Variants in KLHL25 observed in about 807,000 individuals in gnomAD.
The protein encoded by KLHL25 is kelch like family member 25.
KLHL25 carries 41 observed loss-of-function variants against 30.0 expected under a neutral mutation model. That is an observed-to-expected ratio of 1.37 (90% CI 1.07 to 1.78). The LOEUF (loss-of-function observed/expected upper bound fraction) is 1.78. KLHL25 is among the 40% of genes most tolerant of loss of function. The pLI is 0.00. For missense variants in KLHL25, 971 were observed against 824.5 expected (o/e 1.18, Z -2.18); for synonymous variants, 399 against 355.3 (o/e 1.12, Z -1.38).
chr15:85,779,126 C>T (rs1438246455), intron 1 of KLHL25, among the ~76,000 whole-genome samples: 2 of 151,306 alleles, frequency 1.3e-5, no homozygotes, highest in Non-Finnish European at 2.9e-5. Context: ...AGGAACTGTT[C>T]AGGCCACACA....
At position 85,769,014 on chromosome 15, in the gene KLHL25, A is replaced by G. The variant is rs751055058; in HGVS notation, c.797T>C (p.Met266Thr). 2.0e-5 allele frequency: 33 copies of G among 1,611,012 alleles called. No homozygotes were observed. The highest frequency in any genetic ancestry group is 2.5e-5 in the Non-Finnish European group (30 of 1,179,262). Residue 266 changes from methionine (M) to threonine (T), a missense_variant, in exon 2 of 3, where the codon ATG (methionine) becomes ACG (threonine). Transcript: ENST00000337975. Reference sequence around the variant, plus strand: ...GGTCTTGCAGCGCAGGGCCTCATCCATGATAAGCTTGGTGCGCTCGTCTGC... The same window carrying G: ...GGTCTTGCAGCGCAGGGCCTCATCCGTGATAAGCTTGGTGCGCTCGTCTGC... ...LMADERTKLI[M>T]DEALRCKTRI...
At position 85,789,993 on chromosome 15, in the gene KLHL25, T is replaced by A. The variant is rs1017045513; in HGVS notation, c.-11+4773A>T. On this transcript the variant is annotated intron_variant, in intron 1 of 2. Transcript: ENST00000337975. This position sits in a 1 kb window ranked among gnomAD's most constrained non-coding sequence, Gnocchi z 4.1. ...CTTGCCTACGTCACCCCTCTCACTC[T>A]ACAGGTGAAAAAACTAGATCCCAGA... 6.6e-6 allele frequency among the ~76,000 whole-genome samples: 1 copy of A among 152,190 alleles called. No homozygotes were observed. The highest frequency in any genetic ancestry group is 1.5e-5 in the Non-Finnish European group (1 of 68,032).
At position 85,769,774 on chromosome 15, in the gene KLHL25, T is replaced by C; in HGVS notation, c.37A>G (p.Ser13Gly). The change falls in exon 2 of 3, where the codon AGC becomes GGC. Residue 13 changes from serine (S) to glycine (G), a missense_variant. Ser to Gly is a moderately conservative substitution (Grantham distance 56, BLOSUM62 0). Coordinates refer to ENST00000337975, the MANE Select transcript of KLHL25 (RefSeq NM_022480.4). ...VSVHETRKSR[S>G]STGSMNVTLF... ...GTGACGTTCATGGACCCCGTGCTGCTCCGCGACTTGCGGGTCTCATGGACA... is the reference window on the plus strand; with the variant it reads ...GTGACGTTCATGGACCCCGTGCTGCCCCGCGACTTGCGGGTCTCATGGACA... The C allele has an allele frequency of 2.5e-6, 4 of 1,612,292 alleles. No homozygotes were observed. The highest frequency in any genetic ancestry group is 3.4e-6 in the Non-Finnish European group (4 of 1,179,694).
chr15:85,767,388 C>T (rs928713116), intron 2 of KLHL25, among the ~76,000 whole-genome samples: 4 of 151,968 alleles, frequency 2.6e-5, no homozygotes, highest in Admixed American at 6.5e-5. Flanking sequence ...GCATGAGCCA[C>T]CATGCCCGGG....
Position 85,769,684 on chromosome 15 carries a change from A to G in KLHL25, c.127T>C (p.Cys43Arg), listed in dbSNP as rs757323461. The stretch of plus-strand genomic sequence containing the variant: ...CAGAGTGTGACGTCGGTGAACATGC[A>G]GTGCTTGCGAAGCGTGTTGAGGTGG... ...LAHLNTLRKH[C>R]MFTDVTLWAG... The change falls in exon 2 of 3, where the codon TGC becomes CGC. Residue 43 changes from cysteine (C) to arginine (R), a missense_variant. Coordinates refer to ENST00000337975, the MANE Select transcript of KLHL25 (RefSeq NM_022480.4). 3.7e-6 allele frequency: 6 copies of G among 1,613,782 alleles called. No individual in the cohort carries two copies. The African/African-American group carries it at 8.0e-5, about 22-fold the overall frequency.
At chr15:85,773,268 G>C (rs2151808846) in intron 1 of KLHL25, among the ~76,000 whole-genome samples, 1 of 152,260 alleles carries the variant, frequency 6.6e-6, no homozygotes, top group Non-Finnish European at 1.5e-5. Flanking sequence ...CTATGCCCAT[G>C]ATGAAGCCCT....
chr15:85,771,544 A>G (rs2089674647), intron 1 of KLHL25, among the ~76,000 whole-genome samples: 1 of 152,194 alleles, frequency 6.6e-6, no homozygotes, highest in Non-Finnish European at 1.5e-5. Context: ...AACTGACGAG[A>G]TTAGAGCTAG....
intron 1 of KLHL25, among the ~76,000 whole-genome samples, chr15:85,788,570 T>C (rs912514382): frequency 2.0e-5 from 3 of 152,024 alleles, no homozygotes; most frequent in Non-Finnish European, 4.4e-5. Flanking sequence ...ACAGTCCACT[T>C]CCTCACCTCA....
At chr15:85,775,207 C>T (rs1466803560) in intron 1 of KLHL25, among the ~76,000 whole-genome samples, 1 of 152,162 alleles carries the variant, frequency 6.6e-6, no homozygotes, top group Non-Finnish European at 1.5e-5. Flanking sequence ...GCCAGTGTAC[C>T]TGCAGTGTAC....
chr15:85,788,714 C>T (rs1432900698), intron 1 of KLHL25, among the ~76,000 whole-genome samples: 1 of 152,192 alleles, frequency 6.6e-6, no homozygotes, highest in South Asian at 2.1e-4. Context: ...GACTTTCTTT[C>T]CTCAGCTTCT....
chr15:85,790,082 C>T (rs978899867), intron 1 of KLHL25, among the ~76,000 whole-genome samples: 3 of 152,182 alleles, frequency 2.0e-5, no homozygotes, highest in African/African-American at 7.2e-5. Flanking sequence ...GAACCCCATT[C>T]CTGACTTCTT....
At position 85,789,232 on chromosome 15, in the gene KLHL25, A is replaced by G. The variant is rs1314907616; in HGVS notation, c.-11+5534T>C. Among the ~76,000 whole-genome samples the G allele has an allele frequency of 1.3e-5, 2 of 152,130 alleles. No individual in the cohort carries two copies. The highest frequency in any genetic ancestry group is 6.5e-5 in the Admixed American group (1 of 15,280). On this transcript the variant is annotated intron_variant, in intron 1 of 2. Transcript: ENST00000337975. The surrounding 1 kb of genome is among the most constrained non-coding windows in gnomAD (Gnocchi z 4.1). Reference sequence around the variant, plus strand: ...CTGGCAGAGATGGGTGGGGAGTGACACCTAAGGTGAATGTGGCCCTTGAGC... The same window carrying G: ...CTGGCAGAGATGGGTGGGGAGTGACGCCTAAGGTGAATGTGGCCCTTGAGC...
At chr15:85,776,077 G>A (rs2089707099) in intron 1 of KLHL25, among the ~76,000 whole-genome samples, 2 of 151,546 alleles carry the variant, frequency 1.3e-5, no homozygotes, top group Admixed American at 6.6e-5. Context: ...GGAGGTTATA[G>A]CATGAGAACT....
chr15:85,772,733 G>A (rs1471599647), intron 1 of KLHL25, among the ~76,000 whole-genome samples: 1 of 152,250 alleles, frequency 6.6e-6, no homozygotes, highest in Non-Finnish European at 1.5e-5. Flanking sequence ...CAATGGTCCA[G>A]AGAAGGAGGC....
At chr15:85,790,470 C>T (rs1388558225) in intron 1 of KLHL25, among the ~76,000 whole-genome samples, 1 of 152,190 alleles carries the variant, frequency 6.6e-6, no homozygotes, top group African/African-American at 2.4e-5. Flanking sequence ...GCAAGTAACT[C>T]GAGCCTTATA....
At chr15:85,794,469 G>C (rs1055986064) in intron 1 of KLHL25, among the ~76,000 whole-genome samples, 1 of 152,250 alleles carries the variant, frequency 6.6e-6, no homozygotes, top group Non-Finnish European at 1.5e-5. Flanking sequence ...CCACTCCCTG[G>C]GGAAAGAGTA....
intron 1 of KLHL25, among the ~76,000 whole-genome samples, chr15:85,783,139 G>T (rs11633790): frequency 6.6e-6 from 1 of 151,998 alleles, no homozygotes; most frequent in Non-Finnish European, 1.5e-5. Flanking sequence ...TCACTCTATC[G>T]CCCAAGCTGG....
intron 1 of KLHL25, among the ~76,000 whole-genome samples, chr15:85,787,080 T>C (rs1349489529): frequency 1.3e-5 from 2 of 152,108 alleles, no homozygotes; most frequent in African/African-American, 4.8e-5. Context: ...AACATTTTTT[T>C]TAATGGAACA....
At chr15:85,781,672 C>T (rs773432817) in intron 1 of KLHL25, among the ~76,000 whole-genome samples, 9 of 152,082 alleles carry the variant, frequency 5.9e-5, no homozygotes, top group Admixed American at 2.6e-4. Context: ...TTAGTAGAGA[C>T]GGGGTTTCAC....
Sources: allele counts gnomAD v4.1 joint callset (sites outside exome capture counted in the v4.1 genomes callset), GRCh38; gene constraint gnomAD v4.1.1; non-coding constraint Gnocchi (gnomAD v3.1); transcripts MANE v1.5; gene names NCBI Gene and HGNC (gene_info 2026-07-23, HGNC 2026-07-21).